C7: variants seen among roughly 807,000 people sequenced by gnomAD.
C7 encodes complement component C7.
Under a neutral mutation model 104.8 loss-of-function variants are expected in C7, and 83 were observed. That is an observed-to-expected ratio of 0.79 (90% CI 0.66 to 0.95). C7 has a LOEUF of 0.95. C7 is among the 40% of genes least tolerant of loss of function. The pLI, the probability that C7 is intolerant of heterozygous loss-of-function variation, is 0.00. For synonymous variants in C7, 415 were observed against 360.6 expected (o/e 1.15, Z -1.71); for missense variants, 1,070 against 1,011.2 (o/e 1.06, Z -0.79).
chr5:40,933,898 C>T (rs1055731301), intron 3 of C7, among the ~76,000 whole-genome samples: 2 of 151,572 alleles, frequency 1.3e-5, no homozygotes, highest in Non-Finnish European at 2.9e-5. Flanking sequence ...GCTTATGTGT[C>T]TACCCTCTAA....
At chr5:40,971,799 G>C (rs1561259067) in intron 14 of C7, among the ~76,000 whole-genome samples, 1 of 151,996 alleles carries the variant, frequency 6.6e-6, no homozygotes, top group Non-Finnish European at 1.5e-5. Flanking sequence ...TCTGTTTTCT[G>C]CATATGGCTT....
intron 14 of C7, among the ~76,000 whole-genome samples, chr5:40,968,187 G>A (rs1401240927): frequency 1.3e-5 from 2 of 151,480 alleles, no homozygotes; most frequent in African/African-American, 4.9e-5. Flanking sequence ...GTGCAGTGGT[G>A]CGATCTCGGC....
chr5:40,945,798 A>T (rs1357212500), intron 7 of C7, among the ~76,000 whole-genome samples: 1 of 150,704 alleles, frequency 6.6e-6, no homozygotes, highest in Admixed American at 6.7e-5. Flanking sequence ...TTGGAGGGAG[A>T]GGATGCAGTG....
chr5:40,909,577 C>T lies in C7; in HGVS notation c.-34C>T. Reference sequence around the variant, plus strand: ...ACCCGGCCCTTACAGAGGAAATCTTCCTCCTCTCTTCTGCCCTGAATGTTT... The same window carrying T: ...ACCCGGCCCTTACAGAGGAAATCTTTCTCCTCTCTTCTGCCCTGAATGTTT... On this transcript the variant is annotated 5_prime_UTR_variant, in exon 1 of 18. Transcript: ENST00000313164. The T allele has an allele frequency of 1.3e-6, 2 of 1,553,798 alleles. No individual in the cohort carries two copies. The highest frequency in any genetic ancestry group is 2.3e-5 in the East Asian group (1 of 43,820).
At chr5:40,974,387 G>GTTTTTTTT (rs34725318) in intron 15 of C7, among the ~76,000 whole-genome samples, 2 of 138,150 alleles carry the variant, frequency 1.4e-5, no homozygotes, top group African/African-American at 5.3e-5. Context: ...TAATTCTATC[G>GTTTTTTTT]TTTTTTTTTT....
At chr5:40,931,291 T>C (rs577536947) in intron 3 of C7, among the ~76,000 whole-genome samples, 152 bp downstream of exon 3, 2 of 152,250 alleles carry the variant, frequency 1.3e-5, no homozygotes, top group African/African-American at 4.8e-5. Flanking sequence ...GTATGACTTG[T>C]TTAATAATTA....
intron 15 of C7, among the ~76,000 whole-genome samples, chr5:40,973,132 C>A (rs948067411): frequency 6.6e-6 from 1 of 151,840 alleles, no homozygotes; most frequent in Non-Finnish European, 1.5e-5. Context: ...ATGTGGAAAC[C>A]CAAAAATCCA....
rs1000192666 is a variant in C7 at position 40,947,817 on chromosome 5, T to C, written c.954T>C (p.Tyr318=). The change falls in exon 8 of 18, where the codon TAT becomes TAC. Residue 318 remains tyrosine (Y), a synonymous_variant. Coordinates refer to ENST00000313164, the MANE Select transcript of C7 (RefSeq NM_000587.4). ...GAGGAGAATACAGAGTTCTATTTTA[T>C]GTGGACTCAGAAAAATTAAAACAAA... ...SLGGEYRVLF[Y]VDSEKLKQND... is the part of the protein sequence containing the mutation. 1.2e-6 allele frequency: 2 copies of C among 1,612,326 alleles called. No homozygotes were observed. The highest frequency in any genetic ancestry group is 1.7e-6 in the Non-Finnish European group (2 of 1,179,390).
chr5:40,962,175 T>A lies in C7; in HGVS notation c.1749+3T>A. 6.6e-7 allele frequency: 1 copy of A among 1,524,714 alleles called. No individual in the cohort carries two copies. The highest frequency in any genetic ancestry group is 1.2e-5 in the South Asian group (1 of 80,522). The allele number at this position is 1,524,714 out of a possible 1,614,324, so 94.4% of individuals were successfully genotyped here. A position where few individuals can be genotyped will look rare whatever the true frequency, so the allele number is the denominator to read the frequency against. ...CCTTGAAAGATGGATTTGTTCAAGTTGGTTATGAAAGATATTTTTTTCCTT... is the reference window on the plus strand; with the variant it reads ...CCTTGAAAGATGGATTTGTTCAAGTAGGTTATGAAAGATATTTTTTTCCTT... On this transcript the variant is annotated splice_donor_region_variant and intron_variant, in intron 13 of 17. Coordinates refer to ENST00000313164, the MANE Select transcript of C7 (RefSeq NM_000587.4).
rs569737586 is a variant in C7, at chr5:40,941,209, G to A, written c.567+3519G>A. ...CTACCGAGTAGCTGGGATTACAGGC[G>A]TGTACTACCATGCCTGGCTAATTTT... On this transcript the variant is annotated intron_variant, in intron 6 of 17. Coordinates refer to ENST00000313164, the MANE Select transcript of C7 (RefSeq NM_000587.4). Among the ~76,000 whole-genome samples the A allele has an allele frequency of 4.7e-4, 72 of 152,042 alleles. 2 individuals are homozygous for A. The South Asian group carries it at 0.011, about 23-fold the overall frequency.
chr5:40,912,850 A>G (rs1318318372), intron 1 of C7, among the ~76,000 whole-genome samples: 5 of 152,152 alleles, frequency 3.3e-5, no homozygotes, highest in African/African-American at 1.2e-4. Flanking sequence ...ATTTTGTTAC[A>G]TGGATATATT....
Position 40,909,605 on chromosome 5 carries a change from C to A in C7, c.-6C>A. On this transcript the variant is annotated 5_prime_UTR_variant, in exon 1 of 18. Transcript: ENST00000313164. ...CCTCTCTTCTGCCCTGAATGTTTTCCCAAACATGAAGGTAAGACAATAAAT... is the reference window on the plus strand; with the variant it reads ...CCTCTCTTCTGCCCTGAATGTTTTCACAAACATGAAGGTAAGACAATAAAT... 1.3e-6 allele frequency: 2 copies of A among 1,564,192 alleles called. No homozygotes were observed. Among genetic ancestry groups the A allele is most frequent in the Non-Finnish European group, 1.7e-6 (2 of 1,144,580 alleles).
intron 9 of C7, 32 bp from the exon 10 acceptor site, chr5:40,955,355 T>G: frequency 6.4e-7 from 1 of 1,559,388 alleles, no homozygotes; most frequent in Non-Finnish European, 8.6e-7. Flanking sequence ...CTTGATAGAC[T>G]TTTCACTTTT....
At chr5:40,913,488 T>C (rs1343688940) in intron 1 of C7, among the ~76,000 whole-genome samples, 2 of 152,024 alleles carry the variant, frequency 1.3e-5, no homozygotes, top group Non-Finnish European at 2.9e-5. Context: ...TACCAACAAC[T>C]GTTATTTTTT....
chr5:40,913,698 A>G (rs10472348), intron 1 of C7, among the ~76,000 whole-genome samples: 6,144 of 152,020 alleles, frequency 0.04, 433 homozygotes, highest in African/African-American at 0.14. Flanking sequence ...TATATATTTT[A>G]AGATGGAGTC....
rs149470951 is a variant in C7 at position 40,969,366 on chromosome 5, A to G, written c.1883-3037A>G. On this transcript the variant is annotated intron_variant, in intron 14 of 17. Coordinates refer to ENST00000313164, the MANE Select transcript of C7 (RefSeq NM_000587.4). Reference sequence around the variant, plus strand: ...TTCAGGGCCTGTATCTGTTAATTTCATTCTTTAGGTAAGTCTGTTACTGTA... The same window carrying G: ...TTCAGGGCCTGTATCTGTTAATTTCGTTCTTTAGGTAAGTCTGTTACTGTA... Among the ~76,000 whole-genome samples the G allele has an allele frequency of 4.3e-3, 655 of 152,074 alleles. 4 individuals are homozygous for G. The highest frequency in any genetic ancestry group is 0.015 in the African/African-American group (617 of 41,486).
intron 1 of C7, among the ~76,000 whole-genome samples, chr5:40,927,707 T>C (rs1181304345): frequency 6.6e-6 from 1 of 152,096 alleles, no homozygotes. Context: ...ACATTGCTAA[T>C]CATTAGAGAA....
intron 1 of C7, among the ~76,000 whole-genome samples, chr5:40,916,642 T>C (rs9292794): frequency 0.096 from 14,596 of 152,184 alleles, 984 homozygotes; most frequent in East Asian, 0.31. Flanking sequence ...CACCCAACCC[T>C]TACTTGTCTT....
rs757792978 is a variant in C7 at position 40,972,533 on chromosome 5, T to C, written c.2013T>C (p.Phe671=). The change falls in exon 15 of 18, where the codon TTT becomes TTC. Residue 671 remains phenylalanine (F), a synonymous_variant. Transcript: ENST00000313164. The part of the protein sequence containing the change: ...GGMSLEGPSA[F]LCGSSLKWSP... The stretch of plus-strand genomic sequence containing the variant: ...TGTCCTTAGAAGGTCCTTCAGCATT[T>C]CTCTGTGGCTCCAGCCTTAAGTGGA... 24 of 1,613,422 alleles carry C rather than the reference T, an allele frequency of 1.5e-5. No homozygotes were observed. In the East Asian group the frequency reaches 5.3e-4, roughly 36 times the overall value.
Sources: allele counts gnomAD v4.1 joint callset (sites outside exome capture counted in the v4.1 genomes callset), GRCh38; gene constraint gnomAD v4.1.1; transcripts MANE v1.5; gene names NCBI Gene and HGNC (gene_info 2026-07-23, HGNC 2026-07-21).